Variants in CDYL2 observed in about 807,000 individuals in gnomAD.
CDYL2 encodes chromodomain Y like 2.
CDYL2 carries 23 observed loss-of-function variants against 49.4 expected under a neutral mutation model. The observed-to-expected ratio is 0.47, with a 90% confidence interval of 0.34 to 0.66. The LOEUF is 0.66. Among genes scored for constraint, CDYL2 ranks in the 30% least tolerant of loss-of-function variants. The pLI, the probability that CDYL2 is intolerant of heterozygous loss-of-function variation, is 0.01. For synonymous variants in CDYL2, 360 were observed against 268.8 expected, an observed-to-expected ratio of 1.34 and a Z score of -3.32; for missense variants, 678 against 656.4, an observed-to-expected ratio of 1.03 and a Z score of -0.36.
intron 3 of CDYL2, among the ~76,000 whole-genome samples, chr16:80,632,201 A>G (rs2142390873): frequency 6.6e-6 from 1 of 152,388 alleles, no homozygotes; most frequent in African/African-American, 2.4e-5. Context: ...TAGATAAAAT[A>G]TAGTCTATTC....
At chr16:80,790,067 G>C (rs1597134999) in intron 1 of CDYL2, among the ~76,000 whole-genome samples, 1 of 151,998 alleles carries the variant, frequency 6.6e-6, no homozygotes, top group Admixed American at 6.6e-5. Context: ...TAAAATAATA[G>C]CAAACGCTAT....
In CDYL2 at chr16:80,608,949, C is replaced by T. The variant is rs534683478; in HGVS notation, c.1219-714G>A. On this transcript the variant is annotated intron_variant, in intron 5 of 6. Transcript: ENST00000570137. ...AAAAATTAAACTGGTTAAAGCACTT[C>T]CATCACTGGCAGCCAAAAAGGTCGT... Among the ~76,000 whole-genome samples, 6 of 152,282 alleles carry T rather than the reference C, an allele frequency of 3.9e-5. No individual in the cohort carries two copies. The East Asian group carries it at 7.7e-4, about 20-fold the overall frequency.
chr16:80,616,926 T>C (rs1431290457), intron 4 of CDYL2, among the ~76,000 whole-genome samples: 3 of 152,308 alleles, frequency 2.0e-5, no homozygotes, highest in African/African-American at 7.2e-5. Context: ...ATCCATGACA[T>C]ACCCAAAGCT....
chr16:80,772,155 A>G (rs1906926491), intron 1 of CDYL2, among the ~76,000 whole-genome samples: 1 of 152,200 alleles, frequency 6.6e-6, no homozygotes. Context: ...CATCCTTCAA[A>G]ACTAAATGTG....
Position 80,727,338 on chromosome 16 carries a change from A to G in CDYL2, c.25-42209T>C, listed in dbSNP as rs1353149558. On this transcript the variant is annotated intron_variant, in intron 1 of 6. Transcript: ENST00000570137. Reference sequence around the variant, plus strand: ...TCCTAGTCAAGGAAAGGGGTGACAGACGGCACCTGGAAAATCGGGTCACTC... The same window carrying G: ...TCCTAGTCAAGGAAAGGGGTGACAGGCGGCACCTGGAAAATCGGGTCACTC... Among the ~76,000 whole-genome samples the G allele has an allele frequency of 2.0e-5, 3 of 152,192 alleles. No individual in the cohort carries two copies. In the East Asian group the frequency reaches 5.8e-4, roughly 29 times the overall value.
chr16:80,660,684 C>G (rs1909005007), intron 2 of CDYL2, among the ~76,000 whole-genome samples: 1 of 152,088 alleles, frequency 6.6e-6, no homozygotes, highest in South Asian at 2.1e-4. Context: ...CAGAGATAAT[C>G]ACACTGGATA....
At chr16:80,732,610 T>C (rs1905369256) in intron 1 of CDYL2, among the ~76,000 whole-genome samples, 1 of 152,204 alleles carries the variant, frequency 6.6e-6, no homozygotes, top group Admixed American at 6.5e-5. Flanking sequence ...CTTTTGAATT[T>C]TGTACCATGA....
At chr16:80,735,757 C>G (rs1302163650) in intron 1 of CDYL2, among the ~76,000 whole-genome samples, 1 of 152,238 alleles carries the variant, frequency 6.6e-6, no homozygotes, top group East Asian at 1.9e-4. Flanking sequence ...GAAGCCATGG[C>G]ACTGCTTTCA....
rs549124988 is a variant in CDYL2 at position 80,655,945 on chromosome 16, G to C, written c.617-22709C>G. 2.6e-5 allele frequency among the ~76,000 whole-genome samples: 4 copies of C among 152,234 alleles called. No homozygotes were observed. The South Asian group carries it at 8.3e-4, about 32-fold the overall frequency. On this transcript the variant is annotated intron_variant, in intron 2 of 6. Coordinates refer to ENST00000570137, the MANE Select transcript of CDYL2 (RefSeq NM_152342.4). The stretch of plus-strand genomic sequence containing the variant: ...GACGCTGTGAGAAACAGAACATGTT[G>C]GAACTGTGGAAGCTTAGGGCTCTGC...
At chr16:80,633,872 G>A (rs1380178898) in intron 2 of CDYL2, among the ~76,000 whole-genome samples, 1 of 152,090 alleles carries the variant, frequency 6.6e-6, no homozygotes, top group African/African-American at 2.4e-5. Flanking sequence ...GCCTGAAAGT[G>A]CCCTCCTGAA....
chr16:80,678,804 C>T (rs1316094154), intron 2 of CDYL2, among the ~76,000 whole-genome samples: 2 of 151,208 alleles, frequency 1.3e-5, no homozygotes, highest in Non-Finnish European at 2.9e-5. Context: ...TATAAAGACA[C>T]ATGCACACGT....
At chr16:80,622,312 T>C (rs189473609) in intron 3 of CDYL2, among the ~76,000 whole-genome samples, 1 of 152,204 alleles carries the variant, frequency 6.6e-6, no homozygotes, top group African/African-American at 2.4e-5. Flanking sequence ...TATATTCACC[T>C]AATCACCTTT....
chr16:80,804,071 GCCCGGTCCCCGCCGCCCGCCGCCGCCGC>G, intron 1 of CDYL2, 51 bp downstream of exon 1: 5 of 929,740 alleles, frequency 5.4e-6, no homozygotes, highest in Non-Finnish European at 6.4e-6. Context: ...CCCGGCCCCG[GCCCGGTCCCCGCCGCCCGCCGCCGCCGC>G]CCGCCGCCGC....
At chr16:80,670,997 G>C (rs764757120) in intron 2 of CDYL2, 2 of 455,852 alleles carry the variant, frequency 4.4e-6, no homozygotes, top group Non-Finnish European at 8.8e-6. Flanking sequence ...TTTGTCTCCT[G>C]GGTTCTCCTC....
At chr16:80,732,125 T>C (rs1026001255) in intron 1 of CDYL2, among the ~76,000 whole-genome samples, 21 of 152,200 alleles carry the variant, frequency 1.4e-4, no homozygotes, top group African/African-American at 4.6e-4. Flanking sequence ...ATCATTTTTA[T>C]TGACGAAATC....
intron 2 of CDYL2, among the ~76,000 whole-genome samples, chr16:80,662,268 A>G (rs1226631381): frequency 5.9e-5 from 9 of 152,290 alleles, no homozygotes; most frequent in Admixed American, 5.9e-4. Flanking sequence ...TTTTCCTTCC[A>G]TTGCAAACAA....
Position 80,762,215 on chromosome 16 carries a change from G to T in CDYL2, c.24+41935C>A, listed in dbSNP as rs1906555926. 3.3e-5 allele frequency among the ~76,000 whole-genome samples: 5 copies of T among 151,942 alleles called. No homozygotes were observed. The South Asian group carries it at 1.0e-3, about 32-fold the overall frequency. ...AATAAATAAAAAACAAAAAAACAAA[G>T]GCTACATCTATTGTCCAGAAGCGCT... On this transcript the variant is annotated intron_variant, in intron 1 of 6. Transcript: ENST00000570137.
In CDYL2 at chr16:80,599,589, C is replaced by A. The variant is rs1467294838; in HGVS notation, c.*4799G>T. The A allele has an allele frequency of 6.6e-6, 1 of 152,178 alleles. No homozygotes were observed. Among genetic ancestry groups the A allele is most frequent in the Admixed American group, 6.5e-5 (1 of 15,274 alleles). The allele number at this position is 152,178 out of a possible 1,614,324, so 9.4% of individuals were successfully genotyped here. ...AAGACACTGAGGACACATGGGAATG[C>A]TGATTGTGTAACTAAAATTGACTTC... is the stretch of plus-strand genomic sequence containing the variant. On this transcript the variant is annotated 3_prime_UTR_variant, in exon 7 of 7. Coordinates refer to ENST00000570137, the MANE Select transcript of CDYL2 (RefSeq NM_152342.4).
At chr16:80,651,026 G>T (rs560499014) in intron 2 of CDYL2, among the ~76,000 whole-genome samples, 1 of 152,026 alleles carries the variant, frequency 6.6e-6, no homozygotes, top group African/African-American at 2.4e-5. Context: ...TAGAAACAAT[G>T]AATAAGACCT....
Sources: gnomAD v4.1 joint callset for allele counts (sites outside exome capture counted in the v4.1 genomes callset) on GRCh38, gnomAD v4.1.1 for gene constraint, MANE v1.5 for transcripts, NCBI Gene and HGNC (gene_info 2026-07-23, HGNC 2026-07-21) for gene names.